The following TFEC variants were observed in gnomAD, a reference collection of about 807,000 sequenced individuals.
TFEC encodes the protein transcription factor EC, also known as class E basic helix-loop-helix protein 34.
In TFEC, 31 loss-of-function variants were observed where a neutral mutation model predicts 41.6. The observed-to-expected ratio is 0.74, with a 90% CI of 0.56 to 1.01. The LOEUF is 1.01. Ranked by LOEUF, TFEC falls within the 50% of genes least tolerant of loss-of-function variation. The pLI is 0.00. For missense variants in TFEC, 402 were observed against 404.1 expected (o/e 0.99, Z 0.04); for synonymous variants, 143 against 140.6 (o/e 1.02, Z -0.12).
intron 3 of TFEC, among the ~76,000 whole-genome samples, chr7:115,966,019 T>C (rs942097416): frequency 2.6e-5 from 4 of 151,616 alleles, no homozygotes; most frequent in Non-Finnish European, 4.4e-5. Context: ...TCTTCATCTC[T>C]CTCAATTAAC....
chr7:116,055,227 A>G (rs1476775168), intron 3 of TFEC, among the ~76,000 whole-genome samples: 1 of 152,142 alleles, frequency 6.6e-6, no homozygotes, highest in Non-Finnish European at 1.5e-5. Flanking sequence ...ATAATTCCAT[A>G]GTTATATTTA....
intron 1 of TFEC, among the ~76,000 whole-genome samples, chr7:116,140,291 CTT>C (rs1266460347): frequency 2.0e-5 from 3 of 152,200 alleles, no homozygotes; most frequent in Non-Finnish European, 2.9e-5. Context: ...AGGGTCTACT[CTT>C]TGTTTAGATT....
intron 3 of TFEC, among the ~76,000 whole-genome samples, chr7:116,077,108 T>C (rs975361727): frequency 6.6e-6 from 1 of 152,168 alleles, no homozygotes; most frequent in East Asian, 1.9e-4. Context: ...TAGAAGGGAT[T>C]GAGGTCCTAT....
chr7:116,027,015 T>C (rs1296705668), intron 1 of TFEC, among the ~76,000 whole-genome samples: 1 of 152,116 alleles, frequency 6.6e-6, no homozygotes, highest in Non-Finnish European at 1.5e-5. Flanking sequence ...GGGGTGAAAA[T>C]GTTGCTGACA....
At chr7:116,113,017 G>C (rs1177291207) in intron 1 of TFEC, among the ~76,000 whole-genome samples, 1 of 151,990 alleles carries the variant, frequency 6.6e-6, no homozygotes, top group Admixed American at 6.6e-5. Flanking sequence ...GAAAAATAAA[G>C]TGGAATTCAC....
At chr7:116,041,528 C>T (rs140816493) in intron 3 of TFEC, among the ~76,000 whole-genome samples, 1 of 152,220 alleles carries the variant, frequency 6.6e-6, no homozygotes, top group East Asian at 1.9e-4. Context: ...AAGTTAACCC[C>T]TTGAAAAATT....
intron 1 of TFEC, among the ~76,000 whole-genome samples, chr7:116,149,848 A>G (rs1798724044): frequency 6.6e-6 from 1 of 152,212 alleles, no homozygotes; most frequent in Non-Finnish European, 1.5e-5. Context: ...AGATCAGACA[A>G]TAAAGAACTC....
At chr7:116,123,042 AG>A (rs1798140776) in intron 1 of TFEC, among the ~76,000 whole-genome samples, 1 of 152,142 alleles carries the variant, frequency 6.6e-6, no homozygotes, top group Non-Finnish European at 1.5e-5. Context: ...AGAAAAAAAC[AG>A]AGAAAGGAAA....
chr7:115,953,062 T>C (rs1562885634), intron 5 of TFEC, among the ~76,000 whole-genome samples: 2 of 151,988 alleles, frequency 1.3e-5, no homozygotes, highest in Non-Finnish European at 2.9e-5. Flanking sequence ...TTCTGACCAA[T>C]GGGCAGTTGT....
At chr7:115,945,928 A>G (rs1791514921) in intron 6 of TFEC, among the ~76,000 whole-genome samples, 1 of 151,806 alleles carries the variant, frequency 6.6e-6, no homozygotes. Context: ...AATAATTGTG[A>G]CAAAGACTTT....
At position 116,030,661 on chromosome 7, in the gene TFEC, T is replaced by A; in HGVS notation, c.-101A>T. The A allele has an allele frequency of 1.0e-6, 1 of 985,430 alleles. No homozygotes were observed. Among genetic ancestry groups the A allele is most frequent in the Non-Finnish European group, 1.2e-6 (1 of 829,934 alleles). 61.0% of individuals were successfully genotyped at this position (985,430 alleles called of 1,614,324 possible). Reference sequence around the variant, plus strand: ...CAATGAGTGGATTTTATCAGTGTTGTCATCTCTACAAACAGCACCAAATTA... The same window carrying A: ...CAATGAGTGGATTTTATCAGTGTTGACATCTCTACAAACAGCACCAAATTA... On this transcript the variant is annotated 5_prime_UTR_variant, in exon 1 of 8. Transcript: ENST00000265440.
chr7:116,048,325 G>A lies in TFEC; in HGVS notation c.198+62383C>T, dbSNP rs563198568. ...CTGAAAACCATGGCACCAGAACTAC[G>A]TGTTGCACACACAAGCTTCAGTAAC... On this transcript the variant is annotated intron_variant, in intron 3 of 8. Transcript: ENST00000484212. Among the ~76,000 whole-genome samples, 8 of 152,354 alleles carry A rather than the reference G, an allele frequency of 5.3e-5. No individual in the cohort carries two copies. The South Asian group carries it at 1.0e-3, about 20-fold the overall frequency.
At chr7:116,011,853 C>A (rs535101491) in intron 1 of TFEC, among the ~76,000 whole-genome samples, 8 of 152,130 alleles carry the variant, frequency 5.3e-5, no homozygotes, top group African/African-American at 1.4e-4. Context: ...GAAATTCCTC[C>A]TCTCTCTCTT....
Position 115,937,697 on chromosome 7 carries a change from T to C in TFEC, c.*2854A>G, listed in dbSNP as rs1793296413. On this transcript the variant is annotated 3_prime_UTR_variant, in exon 8 of 8. Coordinates refer to ENST00000265440, the MANE Select transcript of TFEC (RefSeq NM_012252.4). ...CTTTCCTATGCAACCTCATCATTAT[T>C]AGGATTGGGATAATTATATTTAGAT... 1 of 151,772 alleles carries C rather than the reference T, an allele frequency of 6.6e-6. No individual in the cohort carries two copies. The highest frequency in any genetic ancestry group is 6.6e-5 in the Admixed American group (1 of 15,198). The allele number at this position is 151,772 out of a possible 1,614,324, so 9.4% of individuals were successfully genotyped here. A position where few individuals can be genotyped will look rare whatever the true frequency, so the allele number is the denominator to read the frequency against.
At position 116,072,829 on chromosome 7, in the gene TFEC, G is replaced by T. The variant is rs555050792; in HGVS notation, c.198+37879C>A. 2.0e-5 allele frequency among the ~76,000 whole-genome samples: 3 copies of T among 151,448 alleles called. 1 individual carries two copies. The highest frequency in any genetic ancestry group is 1.3e-4 in the Admixed American group (2 of 15,198). On this transcript the variant is annotated intron_variant, in intron 3 of 8. Coordinates refer to the TFEC transcript ENST00000484212. Reference sequence around the variant, plus strand: ...GGGAACTTCTTCAACTTAATATAGGGTATCTATGAAAAAACACAGTTAAGA... The same window carrying T: ...GGGAACTTCTTCAACTTAATATAGGTTATCTATGAAAAAACACAGTTAAGA...
chr7:116,008,718 A>G (rs539516168), intron 1 of TFEC, among the ~76,000 whole-genome samples: 3 of 152,166 alleles, frequency 2.0e-5, no homozygotes, highest in Non-Finnish European at 4.4e-5. Flanking sequence ...TATACCCATA[A>G]ATCTCATCTT....
rs919522606 is a variant in TFEC, at chr7:115,935,658, A to C, written c.*4893T>G. 1 of 151,664 alleles carries C rather than the reference A, an allele frequency of 6.6e-6. No homozygotes were observed. Among genetic ancestry groups the C allele is most frequent in the Non-Finnish European group, 1.5e-5 (1 of 67,650 alleles). 9.4% of individuals were successfully genotyped at this position (151,664 alleles called of 1,614,324 possible). ...TATTTTGTCTGCTACATAAACTACCAGCTTTAGCACAAGAACAAAATTTAT... is the reference window on the plus strand; with the variant it reads ...TATTTTGTCTGCTACATAAACTACCCGCTTTAGCACAAGAACAAAATTTAT... On this transcript the variant is annotated 3_prime_UTR_variant, in exon 8 of 8. Coordinates refer to ENST00000265440, the MANE Select transcript of TFEC (RefSeq NM_012252.4).
At chr7:115,964,559 T>C (rs770825992) in intron 3 of TFEC, among the ~76,000 whole-genome samples, 4 of 151,548 alleles carry the variant, frequency 2.6e-5, no homozygotes, top group Non-Finnish European at 5.9e-5. Flanking sequence ...TTTTATAATT[T>C]AAAAGAGAAA....
chr7:115,942,109 C>A (rs570329716), intron 6 of TFEC, 69 bp from the exon 7 acceptor site: 341 of 1,436,810 alleles, frequency 2.4e-4, no homozygotes, highest in Admixed American at 2.1e-4. Flanking sequence ...CTTACAAAAT[C>A]TTTTACATTA....
Sources: gnomAD v4.1 joint callset for allele counts (sites outside exome capture counted in the v4.1 genomes callset) on GRCh38, gnomAD v4.1.1 for gene constraint, MANE v1.5 for transcripts, NCBI Gene and HGNC (gene_info 2026-07-23, HGNC 2026-07-21) for gene names.